Variants in TTC29 observed in about 807,000 individuals in gnomAD.
TTC29 encodes the protein tetratricopeptide repeat domain 29, also known as tetratricopeptide repeat protein 29.
TTC29 carries 49 observed loss-of-function variants against 58.1 expected under a neutral mutation model. The observed-to-expected ratio is 0.84, with a 90% CI of 0.67 to 1.07. TTC29 has a LOEUF of 1.07. TTC29 is among the 50% of genes least tolerant of loss of function. The probability of loss-of-function intolerance (pLI) is 0.00; values close to 1 mark genes in which losing one functional copy is unlikely to be tolerated. For synonymous variants in TTC29, 209 were observed against 196.8 expected (o/e 1.06, Z -0.52); for missense variants, 582 against 555.6 (o/e 1.05, Z -0.48).
chr4:146,925,466 A>G (rs1158896612), intron 4 of TTC29, among the ~76,000 whole-genome samples: 3 of 152,076 alleles, frequency 2.0e-5, no homozygotes, highest in Admixed American at 1.3e-4. Context: ...CCATAGTAAT[A>G]TTTCAACTGC....
At chr4:146,918,985 C>G (rs1322614210) in intron 4 of TTC29, among the ~76,000 whole-genome samples, 2 of 151,084 alleles carry the variant, frequency 1.3e-5, no homozygotes, top group Non-Finnish European at 3.0e-5. Context: ...CTCTAGTAGT[C>G]TGGTAAAAAA....
intron 11 of TTC29, among the ~76,000 whole-genome samples, chr4:146,726,454 G>GAA (rs546644721): frequency 6.6e-6 from 1 of 151,568 alleles, no homozygotes; most frequent in Non-Finnish European, 1.5e-5. Flanking sequence ...GTCTCAAAAA[G>GAA]AAAAAAAATA....
At chr4:146,726,928 C>T (rs887864088) in intron 11 of TTC29, among the ~76,000 whole-genome samples, 1 of 151,922 alleles carries the variant, frequency 6.6e-6, no homozygotes, top group Non-Finnish European at 1.5e-5. Flanking sequence ...GCACGTGGTA[C>T]ATTTTTAAAA....
chr4:146,707,386 G>A (rs1293963653), intron 12 of TTC29, 99 bp downstream of exon 12: 7 of 893,238 alleles, frequency 7.8e-6, no homozygotes, highest in Non-Finnish European at 1.2e-5. Context: ...ATCAAGTGCT[G>A]GATGAAGCTC....
At chr4:146,862,144 G>A (rs1205810594) in intron 8 of TTC29, among the ~76,000 whole-genome samples, 1 of 151,896 alleles carries the variant, frequency 6.6e-6, no homozygotes, top group African/African-American at 2.4e-5. Context: ...AGAGGATCTC[G>A]AAAGAAAACT....
At chr4:146,896,239 T>C (rs1411810475) in intron 6 of TTC29, among the ~76,000 whole-genome samples, 1 of 152,208 alleles carries the variant, frequency 6.6e-6, no homozygotes, top group Non-Finnish European at 1.5e-5. Flanking sequence ...CTTGCATATC[T>C]AAGAATGTTT....
At chr4:146,741,828 AG>A (rs1226714849) in intron 11 of TTC29, among the ~76,000 whole-genome samples, 2 of 152,178 alleles carry the variant, frequency 1.3e-5, no homozygotes, top group South Asian at 4.1e-4. Context: ...ACAACTTGAA[AG>A]CATTTCCATG....
In TTC29 at chr4:146,820,143, C is replaced by T. The variant is rs765259819; in HGVS notation, c.1083G>A (p.Gly361=). 5.6e-6 allele frequency: 9 copies of T among 1,612,868 alleles called. No individual in the cohort carries two copies. The highest frequency in any genetic ancestry group is 4.4e-5 in the South Asian group (4 of 91,052). Residue 361 remains glycine, a synonymous_variant, in exon 10 of 13, where the codon GGG becomes GGA. Coordinates refer to ENST00000325106, the MANE Select transcript of TTC29 (RefSeq NM_031956.4). ...GACTCACTTTTTCATTGTAGATGTCCCCAAGCATTGTACTTGCTCTCACCA... is the reference window on the plus strand; with the variant it reads ...GACTCACTTTTTCATTGTAGATGTCTCCAAGCATTGTACTTGCTCTCACCA... ...LDLVRASTML[G]DIYNEKGYYN... is the part of the protein sequence containing the mutation.
At chr4:146,918,569 T>C (rs1734386240) in intron 4 of TTC29, among the ~76,000 whole-genome samples, 1 of 151,208 alleles carries the variant, frequency 6.6e-6, no homozygotes, top group Admixed American at 6.6e-5. Flanking sequence ...AACCAAACTA[T>C]ATTTTCATTG....
chr4:146,886,293 A>G (rs2150240748), intron 6 of TTC29, among the ~76,000 whole-genome samples: 1 of 152,164 alleles, frequency 6.6e-6, no homozygotes, highest in South Asian at 2.1e-4. Context: ...GAACAGCCCA[A>G]TTCATATGAC....
intron 8 of TTC29, among the ~76,000 whole-genome samples, chr4:146,854,501 T>A (rs1456461563): frequency 6.6e-6 from 1 of 152,188 alleles, no homozygotes; most frequent in Non-Finnish European, 1.5e-5. Flanking sequence ...GGCACACTTT[T>A]ATCATTGGTC....
intron 9 of TTC29, among the ~76,000 whole-genome samples, chr4:146,823,690 G>A (rs926590293): frequency 6.6e-6 from 1 of 152,196 alleles, no homozygotes; most frequent in African/African-American, 2.4e-5. Context: ...ATTACTTTGA[G>A]CAGTATGGCC....
At chr4:146,917,992 T>C (rs1370412600) in intron 4 of TTC29, among the ~76,000 whole-genome samples, 1 of 150,610 alleles carries the variant, frequency 6.6e-6, no homozygotes, top group Non-Finnish European at 1.5e-5. Context: ...TTTAGGTAGA[T>C]AGGCCAATTT....
At chr4:146,750,875 A>G (rs993783993) in intron 11 of TTC29, among the ~76,000 whole-genome samples, 2 of 152,240 alleles carry the variant, frequency 1.3e-5, no homozygotes, top group African/African-American at 4.8e-5. Context: ...TATATCGATA[A>G]TAACTTTGAA....
At chr4:146,728,752 GAT>G in intron 11 of TTC29, among the ~76,000 whole-genome samples, 1 of 68,278 alleles carries the variant, frequency 1.5e-5, no homozygotes, top group African/African-American at 4.2e-5. Context: ...CTGTCCAGAG[GAT>G]ATATGTACAT....
chr4:146,944,898 C>G (rs185563569), intron 2 of TTC29, 133 bp downstream of exon 2: 1 of 152,120 alleles, frequency 6.6e-6, no homozygotes, highest in East Asian at 1.9e-4. Flanking sequence ...TTCTGGCACT[C>G]TCTCATGGGT....
intron 8 of TTC29, among the ~76,000 whole-genome samples, chr4:146,853,390 G>T (rs886231587): frequency 9.2e-5 from 14 of 151,740 alleles, no homozygotes; most frequent in African/African-American, 3.1e-4. Context: ...TGATTTTTTT[G>T]TTCAACATAT....
At position 146,872,837 on chromosome 4, in the gene TTC29, G is replaced by C. The variant is rs1328062064; in HGVS notation, c.799+1879C>G. Among the ~76,000 whole-genome samples the C allele has an allele frequency of 5.9e-5, 9 of 151,966 alleles. No homozygotes were observed. The South Asian group carries it at 1.9e-3, about 31-fold the overall frequency. On this transcript the variant is annotated intron_variant, in intron 7 of 12. Transcript: ENST00000325106. ...TGGAAAACTGGCAGCTCCTCAATAA[G>C]TTGAACACAGTTATCATATAACCCA...
chr4:146,904,651 A>C (rs1272597196), intron 5 of TTC29, among the ~76,000 whole-genome samples: 1 of 152,170 alleles, frequency 6.6e-6, no homozygotes, highest in African/African-American at 2.4e-5. Context: ...TTGTATTATA[A>C]AATGCAGTGG....
Sources: allele counts gnomAD v4.1 joint callset (sites outside exome capture counted in the v4.1 genomes callset), GRCh38; gene constraint gnomAD v4.1.1; transcripts MANE v1.5; gene names NCBI Gene and HGNC (gene_info 2026-07-23, HGNC 2026-07-21).